BDH1: variants seen among roughly 807,000 people sequenced by gnomAD.
The protein encoded by BDH1 is 3-hydroxybutyrate dehydrogenase 1.
BDH1 carries 30 observed loss-of-function variants against 33.1 expected under a neutral mutation model. That is an observed-to-expected ratio of 0.91 (90% confidence interval 0.68 to 1.23). The LOEUF is 1.23. Among genes scored for constraint, BDH1 ranks in the 50% most tolerant of loss-of-function variants. The probability of loss-of-function intolerance (pLI) is 0.00; values close to 1 mark genes in which losing one functional copy is unlikely to be tolerated. For missense variants in BDH1, 443 were observed against 464.4 expected, an observed-to-expected ratio of 0.95 and a Z score of 0.42; for synonymous variants, 190 against 183.6, an observed-to-expected ratio of 1.03 and a Z score of -0.28.
At chr3:197,558,398 G>A (rs776268347), upstream of BDH1, among the ~76,000 whole-genome samples, 28 of 152,176 alleles carry the variant, frequency 1.8e-4, 1 homozygote, top group Admixed American at 3.9e-4. Flanking sequence ...TCTTCCAGTG[G>A]GCAATTCTGA....
intron 2 of BDH1, among the ~76,000 whole-genome samples, chr3:197,547,715 G>A (rs2108759797): frequency 6.6e-6 from 1 of 152,330 alleles, no homozygotes; most frequent in Non-Finnish European, 1.5e-5. Flanking sequence ...GCCCGTGGGG[G>A]CTGGCCTCTC....
At chr3:197,531,459 A>T (rs928780477) in intron 5 of BDH1, among the ~76,000 whole-genome samples, 1 of 145,368 alleles carries the variant, frequency 6.9e-6, no homozygotes, top group South Asian at 2.1e-4. Flanking sequence ...ATATACATAT[A>T]TGTATATATA....
intron 1 of BDH1, among the ~76,000 whole-genome samples, chr3:197,569,236 T>C (rs1717528348): frequency 7.5e-6 from 1 of 133,114 alleles, no homozygotes; most frequent in African/African-American, 3.0e-5. Context: ...CTGTAGCTAT[T>C]TGGAGTACAG....
chr3:197,524,277 G>A (rs941300695), intron 5 of BDH1, among the ~76,000 whole-genome samples: 2 of 152,184 alleles, frequency 1.3e-5, no homozygotes, highest in Admixed American at 6.5e-5. Context: ...ATGCCCACTC[G>A]CCAGCCAAGG....
chr3:197,552,586 C>T (rs6782014), intron 2 of BDH1, among the ~76,000 whole-genome samples: 67,892 of 151,924 alleles, frequency 0.45, 17,453 homozygotes, highest in African/African-American at 0.71. Flanking sequence ...GCTCCTGCTT[C>T]AGGGCCTTTG....
chr3:197,570,549 C>G (rs1023428840), intron 1 of BDH1, among the ~76,000 whole-genome samples: 1 of 152,216 alleles, frequency 6.6e-6, no homozygotes, highest in Non-Finnish European at 1.5e-5. Context: ...TGGCACCCTA[C>G]GTCCCAGCTG....
chr3:197,561,570 C>T (rs145398642), intron 1 of BDH1, among the ~76,000 whole-genome samples: 16 of 152,302 alleles, frequency 1.1e-4, no homozygotes, highest in Non-Finnish European at 2.4e-4. Context: ...TAAAGTTTAA[C>T]AACCAGCTGG....
chr3:197,553,827 C>T lies in BDH1; in HGVS notation c.-44+735G>A, dbSNP rs1312115192. 2.0e-5 allele frequency among the ~76,000 whole-genome samples: 3 copies of T among 152,104 alleles called. No individual in the cohort carries two copies. In the South Asian group the frequency reaches 6.2e-4, roughly 32 times the overall value. ...CTGGCTTTATATTGAAGGTAGAGTC[C>T]GCTACCATTTACCAACAGATTGAGT... On this transcript the variant is annotated intron_variant, in intron 2 of 7. Transcript: ENST00000392379.
At chr3:197,519,186 C>A (rs1343277694) in intron 6 of BDH1, among the ~76,000 whole-genome samples, 2 of 152,042 alleles carry the variant, frequency 1.3e-5, no homozygotes, top group African/African-American at 2.4e-5. Flanking sequence ...CCTTACTCCT[C>A]CACATATGTT....
At chr3:197,569,028 C>G (rs1390458503) in intron 1 of BDH1, among the ~76,000 whole-genome samples, 2 of 152,186 alleles carry the variant, frequency 1.3e-5, no homozygotes, top group African/African-American at 4.8e-5. Context: ...CTAAAAGTAG[C>G]CTAAGATTAT....
intron 3 of BDH1, among the ~76,000 whole-genome samples, chr3:197,539,631 C>A (rs1443774351): frequency 6.6e-6 from 1 of 152,220 alleles, no homozygotes; most frequent in Non-Finnish European, 1.5e-5. Context: ...AAGATCAGCG[C>A]TTGGGATACT....
At chr3:197,558,698 G>A (rs1040257439), upstream of BDH1, among the ~76,000 whole-genome samples, 1 of 152,228 alleles carries the variant, frequency 6.6e-6, no homozygotes, top group Non-Finnish European at 1.5e-5. Flanking sequence ...GACCCCGCAT[G>A]GGAGCTACTG....
intron 3 of BDH1, 78 bp downstream of exon 3, chr3:197,546,283 C>T (rs1716070613): frequency 7.0e-7 from 1 of 1,423,730 alleles, no homozygotes; most frequent in Non-Finnish European, 9.9e-7. Context: ...TCATCACCGC[C>T]TACACTGTCC....
intron 1 of BDH1, among the ~76,000 whole-genome samples, chr3:197,567,916 G>A (rs1393575520): frequency 2.6e-5 from 4 of 152,166 alleles, no homozygotes; most frequent in Non-Finnish European, 5.9e-5. Context: ...TCAGAATGAA[G>A]TACCCTAAAA....
Position 197,523,188 on chromosome 3 carries a change from C to T in BDH1, c.268-407G>A, listed in dbSNP as rs1271386141. 2 of 180,028 alleles carry T rather than the reference C, an allele frequency of 1.1e-5. No individual in the cohort carries two copies. Among genetic ancestry groups the T allele is most frequent in the Non-Finnish European group, 2.3e-5 (2 of 87,350 alleles). 11.2% of individuals were successfully genotyped at this position (180,028 alleles called of 1,614,324 possible). A position where few individuals can be genotyped will look rare whatever the true frequency, so the allele number is the denominator to read the frequency against. On this transcript the variant is annotated intron_variant, in intron 5 of 7. Coordinates refer to ENST00000392379, the MANE Select transcript of BDH1 (RefSeq NM_203314.3). The surrounding 1 kb of genome is among the most constrained non-coding windows in gnomAD (Gnocchi z 4.5). ...TAAGCTAGTAATTGGGAAATCTCTT[C>T]ATTCTTTTAAGTGTTGGCAACTTAC...
Position 197,546,427 on chromosome 3 carries a change from A to G in BDH1, c.17T>C (p.Leu6Pro). 6.2e-7 allele frequency: 1 copy of G among 1,613,996 alleles called. No homozygotes were observed. The highest frequency in any genetic ancestry group is 8.5e-7 in the Non-Finnish European group (1 of 1,179,986). Residue 6 changes from leucine (L) to proline (P), a missense_variant, in exon 3 of 8, where the codon CTC (leucine) becomes CCC (proline). Transcript: ENST00000392379. MLATR[L>P]SRPLSRLPGK... ...TGGGAGCCGTGACAGGGGTCTGGAG[A>G]GGCGGGTGGCCAGCATGGTAGCAAC...
At chr3:197,529,034 C>T (rs1714398737) in intron 5 of BDH1, 1 of 152,208 alleles carries the variant, frequency 6.6e-6, no homozygotes, top group African/African-American at 2.4e-5. Context: ...TGCTGGGACC[C>T]GCTGAGGTAG....
At chr3:197,548,960 C>G (rs1049147799) in intron 2 of BDH1, among the ~76,000 whole-genome samples, 17 of 152,224 alleles carry the variant, frequency 1.1e-4, no homozygotes, top group Non-Finnish European at 1.5e-5. Flanking sequence ...AAACATGCAG[C>G]TATTTCCACT....
intron 1 of BDH1, among the ~76,000 whole-genome samples, chr3:197,571,474 G>A (rs1460179219): frequency 6.6e-6 from 1 of 152,172 alleles, no homozygotes; most frequent in Admixed American, 6.5e-5. Context: ...GTTGTGGAAG[G>A]GACCCAGTGG....
Sources: gnomAD v4.1 joint callset for allele counts (sites outside exome capture counted in the v4.1 genomes callset) on GRCh38, gnomAD v4.1.1 for gene constraint, Gnocchi (gnomAD v3.1) non-coding constraint, MANE v1.5 for transcripts, NCBI Gene and HGNC (gene_info 2026-07-23, HGNC 2026-07-21) for gene names.